Variants in ATF2 observed in about 807,000 individuals in gnomAD.
The protein encoded by ATF2 is activating transcription factor 2, also known as cyclic AMP-dependent transcription factor ATF-2.
ATF2 carries 24 observed loss-of-function variants against 60.6 expected under a neutral mutation model. The ratio of observed to expected loss-of-function variants is 0.40; its 90% confidence interval spans 0.29 to 0.56. The LOEUF (loss-of-function observed/expected upper bound fraction) is 0.56, where lower values mean the gene tolerates loss of function less well. Among genes scored for constraint, ATF2 ranks in the 20% least tolerant of loss-of-function variants. The pLI, the probability that ATF2 is intolerant of heterozygous loss-of-function variation, is 0.54. For missense variants in ATF2, 433 were observed against 607.7 expected, an observed-to-expected ratio of 0.71 and a Z score of 3.02; for synonymous variants, 206 against 215.4, an observed-to-expected ratio of 0.96 and a Z score of 0.38.
At chr2:175,093,624 C>T (rs1261954495) in intron 11 of ATF2, among the ~76,000 whole-genome samples, 1 of 151,554 alleles carries the variant, frequency 6.6e-6, no homozygotes, top group African/African-American at 2.4e-5. Flanking sequence ...TTATTAAATC[C>T]CTGGAAAACT....
At chr2:175,121,993 C>T (rs529936647) in intron 4 of ATF2, among the ~76,000 whole-genome samples, 22 of 151,754 alleles carry the variant, frequency 1.4e-4, no homozygotes, top group Non-Finnish European at 2.5e-4. Context: ...AAAAGTATTA[C>T]GCCTGGACAA....
rs376512442 is a variant in ATF2, at chr2:175,118,410, T to C, written c.200-41A>G. ...AGAAGTAATCATGCATATTTAAATA[T>C]GTTAAGACTCTAAAATATAGCTACT... On this transcript the variant is annotated intron_variant, in intron 5 of 13. Coordinates refer to ENST00000264110, the MANE Select transcript of ATF2 (RefSeq NM_001880.4). The C allele has an allele frequency of 1.6e-5, 24 of 1,497,048 alleles. No individual in the cohort carries two copies. In the African/African-American group the frequency reaches 2.7e-4, roughly 17 times the overall value. The allele number at this position is 1,497,048 out of a possible 1,614,324, so 92.7% of individuals were successfully genotyped here.
At chr2:175,104,234 T>C (rs1430343476) in intron 10 of ATF2, among the ~76,000 whole-genome samples, 1 of 152,196 alleles carries the variant, frequency 6.6e-6, no homozygotes, top group South Asian at 2.1e-4. Context: ...CATTCTTCCA[T>C]GTTCCAATCC....
chr2:175,137,292 T>G (rs1698208534), intron 2 of ATF2, among the ~76,000 whole-genome samples: 1 of 152,124 alleles, frequency 6.6e-6, no homozygotes, highest in African/African-American at 2.4e-5. Context: ...ATGCAAAATT[T>G]TTATCTGAGA....
chr2:175,136,593 C>T (rs1360420778), intron 2 of ATF2, 107 bp from the exon 3 acceptor site: 3 of 675,406 alleles, frequency 4.4e-6, no homozygotes, highest in Admixed American at 6.1e-5. Context: ...ACTGTCACCC[C>T]AAAACTAGTC....
At chr2:175,112,079 A>T (rs1008592413) in intron 9 of ATF2, among the ~76,000 whole-genome samples, 10 of 152,244 alleles carry the variant, frequency 6.6e-5, no homozygotes, top group Admixed American at 1.3e-4. Context: ...TCTTATACAT[A>T]CCACATAATA....
At chr2:175,133,633 T>C (rs1697910546) in intron 3 of ATF2, among the ~76,000 whole-genome samples, 1 of 152,178 alleles carries the variant, frequency 6.6e-6, no homozygotes, top group African/African-American at 2.4e-5. Flanking sequence ...TTATGTCAAT[T>C]AAGGATTCAT....
intron 3 of ATF2, among the ~76,000 whole-genome samples, chr2:175,134,988 A>C (rs2105762623): frequency 6.7e-6 from 1 of 149,772 alleles, no homozygotes; most frequent in African/African-American, 2.5e-5. Flanking sequence ...TGGGTGACAA[A>C]ATAAGACCCC....
At chr2:175,126,633 T>G (rs1371500160) in intron 4 of ATF2, among the ~76,000 whole-genome samples, 1 of 152,218 alleles carries the variant, frequency 6.6e-6, no homozygotes, top group African/African-American at 2.4e-5. Flanking sequence ...CAATCAGTTT[T>G]TCTTCTGTTT....
intron 2 of ATF2, among the ~76,000 whole-genome samples, chr2:175,139,670 A>G (rs1698372224): frequency 6.6e-6 from 1 of 151,904 alleles, no homozygotes; most frequent in Admixed American, 6.6e-5. Flanking sequence ...TCTCAAAAAA[A>G]AAAAAAAAAG....
chr2:175,089,536 G>A (rs1422038548), intron 12 of ATF2, among the ~76,000 whole-genome samples: 5 of 152,064 alleles, frequency 3.3e-5, no homozygotes, highest in African/African-American at 1.2e-4. Flanking sequence ...ACATAAAGTA[G>A]GGTTTAATTA....
chr2:175,088,275 GAAGA>G (rs1268392432), intron 12 of ATF2, among the ~76,000 whole-genome samples: 1 of 152,050 alleles, frequency 6.6e-6, no homozygotes, highest in Non-Finnish European at 1.5e-5. Flanking sequence ...GAAAAACGTG[GAAGA>G]TAGATCATAG....
At chr2:175,114,654 C>A in intron 8 of ATF2, 36 bp downstream of exon 8, 1 of 1,583,582 alleles carries the variant, frequency 6.3e-7, no homozygotes, top group Non-Finnish European at 8.6e-7. Context: ...AAACTTAATT[C>A]ATGTATATGT....
chr2:175,134,876 C>T (rs60038666), intron 3 of ATF2, among the ~76,000 whole-genome samples: 3,353 of 151,570 alleles, frequency 0.022, 123 homozygotes, highest in African/African-American at 0.077. Context: ...TGGTGGTGTA[C>T]ACCTGTAGTC....
chr2:175,156,386 A>AAC (rs1699688486), intron 1 of ATF2, among the ~76,000 whole-genome samples: 1 of 149,132 alleles, frequency 6.7e-6, no homozygotes, highest in Admixed American at 6.7e-5. Context: ...ACAAAAAAAA[A>AAC]AAAAAAAAAA....
At chr2:175,105,764 A>G (rs1695611337) in intron 10 of ATF2, among the ~76,000 whole-genome samples, 1 of 152,196 alleles carries the variant, frequency 6.6e-6, no homozygotes, top group Non-Finnish European at 1.5e-5. Context: ...ATGGAAATAA[A>G]GGAAAATCAA....
intron 11 of ATF2, among the ~76,000 whole-genome samples, chr2:175,093,770 T>C (rs1428875979): frequency 1.3e-5 from 2 of 152,180 alleles, no homozygotes; most frequent in African/African-American, 4.8e-5. Context: ...TCTAAAGTTA[T>C]GGAGTGAAAA....
At chr2:175,167,467 C>T (rs1700437367) in intron 1 of ATF2, among the ~76,000 whole-genome samples, 1 of 152,132 alleles carries the variant, frequency 6.6e-6, no homozygotes, top group Admixed American at 6.5e-5. Flanking sequence ...CTAGGTTCTC[C>T]ACACCATTCT....
chr2:175,164,866 T>C (rs1700248378), intron 1 of ATF2, among the ~76,000 whole-genome samples: 1 of 152,208 alleles, frequency 6.6e-6, no homozygotes, highest in African/African-American at 2.4e-5. Flanking sequence ...TTGGTTTTTG[T>C]TTTGTTTTGA....
Sources: gnomAD v4.1 joint callset for allele counts (sites outside exome capture counted in the v4.1 genomes callset) on GRCh38, gnomAD v4.1.1 for gene constraint, MANE v1.5 for transcripts, NCBI Gene and HGNC (gene_info 2026-07-23, HGNC 2026-07-21) for gene names.